The following ANK1 variants were observed in gnomAD, a reference collection of about 807,000 sequenced individuals.
ANK1 encodes the protein ankyrin-1.
ANK1 carries 51 observed loss-of-function variants against 210.4 expected under a neutral mutation model. The ratio of observed to expected loss-of-function variants is 0.24; its 90% CI spans 0.19 to 0.31. The LOEUF is 0.31. Ranked by LOEUF, ANK1 falls within the 10% of genes least tolerant of loss-of-function variation. The pLI, the probability that ANK1 is intolerant of heterozygous loss-of-function variation, is 1.00. For synonymous variants in ANK1, 967 were observed against 1,025.9 expected (o/e 0.94, Z 1.10); for missense variants, 2,051 against 2,504.4 (o/e 0.82, Z 3.86).
In ANK1 at chr8:41,727,242, G is replaced by T; in HGVS notation, c.426+8C>A. 1.2e-6 allele frequency: 2 copies of T among 1,611,204 alleles called. No homozygotes were observed. Among genetic ancestry groups the T allele is most frequent in the South Asian group, 2.2e-5 (2 of 91,014 alleles). On this transcript the variant is annotated splice_region_variant and intron_variant, in intron 5 of 42. Transcript: ENST00000289734. ...CTGGTGGTGACGACATTTTTCCAAG[G>T]TACTTACTTCTGTGGCTACATTCTG...
At chr8:41,853,202 G>A (rs936908968) in intron 1 of ANK1, among the ~76,000 whole-genome samples, 4 of 152,174 alleles carry the variant, frequency 2.6e-5, no homozygotes, top group Non-Finnish European at 5.9e-5. Context: ...CAATTTATAA[G>A]AGAAGAAAAA....
At chr8:41,833,776 A>G (rs932687786) in intron 1 of ANK1, among the ~76,000 whole-genome samples, 1 of 152,160 alleles carries the variant, frequency 6.6e-6, no homozygotes, top group African/African-American at 2.4e-5. Flanking sequence ...CCTGGCACTC[A>G]AGGAGGTCGT....
intron 1 of ANK1, among the ~76,000 whole-genome samples, chr8:41,765,024 T>C (rs1201622600): frequency 6.6e-6 from 1 of 152,154 alleles, no homozygotes; most frequent in Non-Finnish European, 1.5e-5. Context: ...TTCTTAACTA[T>C]TGTGCTATAC....
chr8:41,750,128 G>C (rs1411273122), intron 2 of ANK1, among the ~76,000 whole-genome samples: 1 of 152,228 alleles, frequency 6.6e-6, no homozygotes, highest in Non-Finnish European at 1.5e-5. Context: ...TTGGAATTTG[G>C]CTGCTGTAGA....
intron 37 of ANK1, among the ~76,000 whole-genome samples, chr8:41,683,592 G>A (rs1255978437): frequency 6.6e-6 from 1 of 152,230 alleles, no homozygotes; most frequent in Middle Eastern, 3.2e-3. Flanking sequence ...TGACGCGTCA[G>A]CCACCTGAGG....
At chr8:41,822,186 G>A (rs1387229751) in intron 1 of ANK1, among the ~76,000 whole-genome samples, 1 of 145,760 alleles carries the variant, frequency 6.9e-6, no homozygotes, top group African/African-American at 2.6e-5. Context: ...AAGAAAGAAA[G>A]AAGGAAAGAA....
intron 35 of ANK1, among the ~76,000 whole-genome samples, chr8:41,687,558 C>T (rs11780566): frequency 3.9e-5 from 6 of 151,996 alleles, no homozygotes; most frequent in South Asian, 2.1e-4. Flanking sequence ...CTTAACAGCC[C>T]GAGCCCTGAA....
At chr8:41,837,598 A>G (rs1031984156) in intron 1 of ANK1, among the ~76,000 whole-genome samples, 1 of 152,236 alleles carries the variant, frequency 6.6e-6, no homozygotes, top group Non-Finnish European at 1.5e-5. Context: ...TAGGCCAGGC[A>G]TGGTGGCTCA....
chr8:41,711,870 G>T (rs10088944), intron 16 of ANK1, among the ~76,000 whole-genome samples: 5,598 of 152,104 alleles, frequency 0.037, 186 homozygotes, highest in African/African-American at 0.093. Context: ...ACCTCCAAAA[G>T]ACTTTATGGA....
intron 8 of ANK1, 50 bp from the exon 9 acceptor site, chr8:41,723,273 G>A: frequency 6.3e-7 from 1 of 1,587,480 alleles, no homozygotes; most frequent in Non-Finnish European, 8.7e-7. Context: ...AGCTATCAGA[G>A]GCCATTTGGA....
chr8:41,728,232 A>C (rs1261229395), intron 3 of ANK1, among the ~76,000 whole-genome samples: 1 of 152,210 alleles, frequency 6.6e-6, no homozygotes, highest in Non-Finnish European at 1.5e-5. Context: ...ACAATGCTGC[A>C]AGAGCCATAA....
chr8:41,841,401 G>C (rs1039746593), intron 1 of ANK1, among the ~76,000 whole-genome samples: 1 of 152,194 alleles, frequency 6.6e-6, no homozygotes, highest in Non-Finnish European at 1.5e-5. Context: ...CTGGGGATTT[G>C]CTGCTCAATG....
intron 25 of ANK1, 37 bp downstream of exon 25, chr8:41,696,639 G>A: frequency 1.2e-6 from 2 of 1,609,240 alleles, no homozygotes; most frequent in South Asian, 2.2e-5. Context: ...CTCGGAGATG[G>A]AGACAGGAGT....
intron 1 of ANK1, among the ~76,000 whole-genome samples, chr8:41,779,849 C>T (rs1285426407): frequency 2.0e-5 from 3 of 152,164 alleles, no homozygotes; most frequent in South Asian, 2.1e-4. Flanking sequence ...AGTCGGCCAC[C>T]GCAAGCATTC....
intron 22 of ANK1, 36 bp from the exon 23 acceptor site, chr8:41,699,584 G>A: frequency 6.3e-7 from 1 of 1,583,654 alleles, no homozygotes; most frequent in Non-Finnish European, 8.7e-7. Context: ...CGACGGGGTA[G>A]AGGAAGAAGA....
At position 41,663,646 on chromosome 8, in the gene ANK1, ACT is replaced by A. The variant is rs1809332462; in HGVS notation, c.5478+11_5478+12del. The A allele has an allele frequency of 1.9e-6, 3 of 1,611,946 alleles. No individual in the cohort carries two copies. Among genetic ancestry groups the A allele is most frequent in the Non-Finnish European group, 2.5e-6 (3 of 1,178,514 alleles). On this transcript the variant is annotated intron_variant, in intron 40 of 42. Transcript: ENST00000289734. ...GCCTCTCCCCAGCACAGAGGGGAAC[ACT>A]CTGCACCCACCTTCTTGGTGACAAT...
At chr8:41,774,150 T>C (rs1843530639) in intron 1 of ANK1, among the ~76,000 whole-genome samples, 1 of 151,972 alleles carries the variant, frequency 6.6e-6, no homozygotes, top group Non-Finnish European at 1.5e-5. Flanking sequence ...AGGTCTCTTC[T>C]CATCTCCGCT....
Position 41,724,665 on chromosome 8 carries a change from G to A in ANK1, c.613-111C>T, listed in dbSNP as rs1830217234. 5.0e-6 allele frequency: 5 copies of A among 1,003,714 alleles called. No individual in the cohort carries two copies. The Admixed American group carries it at 1.0e-4, about 20-fold the overall frequency. The allele number at this position is 1,003,714 out of a possible 1,614,324, so 62.2% of individuals were successfully genotyped here. On this transcript the variant is annotated intron_variant, in intron 6 of 42. Coordinates refer to ENST00000289734, the MANE Select transcript of ANK1 (RefSeq NM_000037.4). Reference sequence around the variant, plus strand: ...GGGGCAACAGGACTTTACAGACAAAGGAGATTTTGATGGGTGGGAACATTT... The same window carrying A: ...GGGGCAACAGGACTTTACAGACAAAAGAGATTTTGATGGGTGGGAACATTT...
rs1371460111 is a variant in ANK1 at position 41,688,595 on chromosome 8, G to A, written c.4105-6C>T. The A allele has an allele frequency of 1.2e-6, 2 of 1,613,890 alleles. No individual in the cohort carries two copies. The highest frequency in any genetic ancestry group is 1.7e-6 in the Non-Finnish European group (2 of 1,179,854). Reference sequence around the variant, plus strand: ...CTATCTTCGGCTCCACTTCCCTGCAGAAGAAGAAAGGGTGCTTTGGGTTTT... The same window carrying A: ...CTATCTTCGGCTCCACTTCCCTGCAAAAGAAGAAAGGGTGCTTTGGGTTTT... On this transcript the variant is annotated splice_polypyrimidine_tract_variant and splice_region_variant and intron_variant, in intron 33 of 42. Transcript: ENST00000289734.
Sources: gnomAD v4.1 joint callset for allele counts (sites outside exome capture counted in the v4.1 genomes callset) on GRCh38, gnomAD v4.1.1 for gene constraint, MANE v1.5 for transcripts, NCBI Gene and HGNC (gene_info 2026-07-23, HGNC 2026-07-21) for gene names.